Variants in STYXL1 observed in about 807,000 individuals in gnomAD.
STYXL1 encodes the protein serine/threonine/tyrosine interacting like 1, also known as serine/threonine/tyrosine-interacting-like protein 1.
Under a neutral mutation model 36.4 loss-of-function variants are expected in STYXL1, and 32 were observed. That is an observed-to-expected ratio of 0.88 (90% CI 0.66 to 1.18). The LOEUF (loss-of-function observed/expected upper bound fraction) is 1.18. Ranked by LOEUF, STYXL1 falls within the 50% of genes most tolerant of loss-of-function variation. The pLI is 0.00. For missense variants in STYXL1, 354 were observed against 394.1 expected (o/e 0.90, Z 0.86); for synonymous variants, 133 against 144.1 (o/e 0.92, Z 0.55).
intron 7 of STYXL1, among the ~76,000 whole-genome samples, chr7:76,002,870 G>C (rs1389021349): frequency 7.2e-5 from 11 of 152,186 alleles, no homozygotes; most frequent in African/African-American, 2.7e-4. Context: ...ATTGCAGTGA[G>C]CCAAGATTGT....
intron 5 of STYXL1, among the ~76,000 whole-genome samples, chr7:76,008,230 A>G (rs1291759564): frequency 8.7e-6 from 1 of 115,336 alleles, no homozygotes; most frequent in East Asian, 2.7e-4. Flanking sequence ...AAAAAAAAAA[A>G]TCTCAAAGAA....
rs1331551410 is a variant in STYXL1, at chr7:76,036,224, C to T, written c.-4-5697G>A. On this transcript the variant is annotated intron_variant, in intron 1 of 8. Coordinates refer to ENST00000359697, the MANE Select transcript of STYXL1 (RefSeq NM_001317785.2). ...CGAGTGATTCTCTCACCTCAGCTTCCTGAGTAGCTAGGATTACAGGTGCCC... is the reference window on the plus strand; with the variant it reads ...CGAGTGATTCTCTCACCTCAGCTTCTTGAGTAGCTAGGATTACAGGTGCCC... Among the ~76,000 whole-genome samples the T allele has an allele frequency of 1.3e-5, 2 of 150,084 alleles. 1 individual carries two copies. The highest frequency in any genetic ancestry group is 3.0e-5 in the Non-Finnish European group (2 of 67,132).
chr7:76,026,428 C>A (rs1050411092), intron 3 of STYXL1, among the ~76,000 whole-genome samples: 30 of 151,762 alleles, frequency 2.0e-4, no homozygotes, highest in South Asian at 8.3e-4. Context: ...TACAGAGGTG[C>A]CCCACCACAC....
chr7:76,034,470 CCAGA>C lies in STYXL1; in HGVS notation c.-4-3947_-4-3944del, dbSNP rs781939481. On this transcript the variant is annotated intron_variant, in intron 1 of 8. Coordinates refer to ENST00000359697, the MANE Select transcript of STYXL1 (RefSeq NM_001317785.2). ...AACACGGCTGAGCATTGTTTCTTCC[CCAGA>C]CACTCTCCCCTCCCAAGAAAAAGCA... Among the ~76,000 whole-genome samples, 130 of 152,318 alleles carry C rather than the reference CCAGA, an allele frequency of 8.5e-4. 1 individual carries two copies. The highest frequency in any genetic ancestry group is 1.4e-3 in the Non-Finnish European group (98 of 68,030).
At chr7:76,015,462 C>T (rs1272424518) in intron 4 of STYXL1, among the ~76,000 whole-genome samples, 4 of 152,126 alleles carry the variant, frequency 2.6e-5, no homozygotes, top group Non-Finnish European at 5.9e-5. Flanking sequence ...TTGGCCTTGG[C>T]AAATAATTTT....
chr7:76,036,805 G>A (rs71560498), intron 1 of STYXL1, among the ~76,000 whole-genome samples: 3 of 86,784 alleles, frequency 3.5e-5, no homozygotes, highest in African/African-American at 1.1e-4. Flanking sequence ...TTTTTTTTGA[G>A]ACGGAGTCCC....
At chr7:76,028,182 A>G (rs1191806832) in intron 3 of STYXL1, among the ~76,000 whole-genome samples, 1 of 152,026 alleles carries the variant, frequency 6.6e-6, no homozygotes, top group Non-Finnish European at 1.5e-5. Flanking sequence ...CTCAGGCGTA[A>G]GCCACCACAC....
intron 1 of STYXL1, among the ~76,000 whole-genome samples, chr7:76,031,623 G>A (rs1282448478): frequency 6.7e-6 from 1 of 149,580 alleles, no homozygotes; most frequent in African/African-American, 2.5e-5. Flanking sequence ...GCTGAGGCAG[G>A]AGAATCACTT....
chr7:76,001,075 GGCC>G, intron 7 of STYXL1, 73 bp from the exon 8 acceptor site: 1 of 1,109,180 alleles, frequency 9.0e-7, no homozygotes, highest in Non-Finnish European at 1.4e-6. Flanking sequence ...GTCAGACACT[GGCC>G]TCCATGGGCC....
chr7:76,014,670 TGA>T (rs1231914039), intron 4 of STYXL1, among the ~76,000 whole-genome samples: 1 of 151,980 alleles, frequency 6.6e-6, no homozygotes, highest in Non-Finnish European at 1.5e-5. Flanking sequence ...CTGCAAACTC[TGA>T]GATATATGTA....
chr7:76,043,359 CA>C (rs200003883), intron 1 of STYXL1, among the ~76,000 whole-genome samples: 1,624 of 151,896 alleles, frequency 0.011, 28 homozygotes, highest in African/African-American at 0.035. Context: ...AGGCTGGTCT[CA>C]AAACTCCTGA....
At chr7:76,046,331 TGTGTGTGTGCGC>T (rs1797038755) in intron 1 of STYXL1, among the ~76,000 whole-genome samples, 5 of 11,674 alleles carry the variant, frequency 4.3e-4, no homozygotes, top group Admixed American at 1.0e-3. Flanking sequence ...TGTGTGTGTG[TGTGTGTGTGCGC>T]GCGCGCGCGC....
intron 3 of STYXL1, among the ~76,000 whole-genome samples, chr7:76,028,364 A>G (rs1794952658): frequency 6.6e-6 from 1 of 152,090 alleles, no homozygotes; most frequent in African/African-American, 2.4e-5. Context: ...GCAGTGAGCT[A>G]TGATTGTGCC....
intron 5 of STYXL1, among the ~76,000 whole-genome samples, chr7:76,011,930 A>G (rs112510546): frequency 6.6e-6 from 1 of 152,236 alleles, no homozygotes; most frequent in Non-Finnish European, 1.5e-5. Context: ...TTTTGTTTTG[A>G]CAAAACTGAC....
At position 76,003,806 on chromosome 7, in the gene STYXL1, G is replaced by A; in HGVS notation, c.649C>T (p.Pro217Ser). The A allele has an allele frequency of 6.2e-7, 1 of 1,614,228 alleles. No homozygotes were observed. The highest frequency in any genetic ancestry group is 8.5e-7 in the Non-Finnish European group (1 of 1,180,040). ...KLLHIRIEDSPEAQILPFLRH... is the reference protein window; with the variant it reads ...KLLHIRIEDSSEAQILPFLRH... ...AAGAAGGGAAGAATCTGGGCTTCCG[G>A]GGAATCTTCTATCCGGATGTGCAGA... Residue 217 changes from proline to serine, a missense_variant, in exon 7 of 9, where the codon CCG (proline) becomes TCG (serine). Transcript: ENST00000359697.
rs112691161 is a variant in STYXL1 at position 76,038,258 on chromosome 7, G to A, written c.-4-7731C>T. ...TTTGTAGAGACAGGGTCTCGCTTCCGGAAGAGAACAATGGGGAAGAACAGA... is the reference window on the plus strand; with the variant it reads ...TTTGTAGAGACAGGGTCTCGCTTCCAGAAGAGAACAATGGGGAAGAACAGA... On this transcript the variant is annotated intron_variant, in intron 1 of 8. Transcript: ENST00000359697. 5.3e-3 allele frequency among the ~76,000 whole-genome samples: 783 copies of A among 148,830 alleles called. 66 individuals carry two copies. The highest frequency in any genetic ancestry group is 0.027 in the South Asian group (122 of 4,470).
rs1242356339 is a variant in STYXL1, at chr7:76,046,325, TGTGTGTGTGTGTGTGCGC to T, written c.-5+1319_-5+1336del. Among the ~76,000 whole-genome samples, 54 of 18,774 alleles carry T rather than the reference TGTGTGTGTGTGTGTGCGC, an allele frequency of 2.9e-3. 1 individual carries two copies. The highest frequency in any genetic ancestry group is 6.9e-3 in the African/African-American group (38 of 5,468). The allele number at this position is 18,774 out of a possible 152,430, so 12.3% of individuals were successfully genotyped here. ...GTGTGTGTGTGTGTGTGTGTGTGTG[TGTGTGTGTGTGTGTGCGC>T]GCGCGCGCGCGCGCGCTTTTGAGCC... On this transcript the variant is annotated intron_variant, in intron 1 of 8. Transcript: ENST00000359697.
At chr7:76,033,777 C>T (rs1047702200) in intron 1 of STYXL1, among the ~76,000 whole-genome samples, 2 of 152,112 alleles carry the variant, frequency 1.3e-5, no homozygotes, top group Non-Finnish European at 2.9e-5. Flanking sequence ...AAGAGAAACA[C>T]CATCTCTCAA....
Position 75,997,927 on chromosome 7 carries a change from T to C in STYXL1, c.811-1328A>G, listed in dbSNP as rs147101495. On this transcript the variant is annotated intron_variant, in intron 8 of 8. Coordinates refer to ENST00000359697, the MANE Select transcript of STYXL1 (RefSeq NM_001317785.2). ...TTGTACACTGAAAACTCCAAAACAG[T>C]GCTGAAAGAAATTAAAGGTACAAAC... is the stretch of plus-strand genomic sequence containing the variant. Among the ~76,000 whole-genome samples, 682 of 152,238 alleles carry C rather than the reference T, an allele frequency of 4.5e-3. 7 individuals are homozygous for C. The highest frequency in any genetic ancestry group is 0.015 in the African/African-American group (636 of 41,554).
Sources: allele counts gnomAD v4.1 joint callset (sites outside exome capture counted in the v4.1 genomes callset), GRCh38; gene constraint gnomAD v4.1.1; transcripts MANE v1.5; gene names NCBI Gene and HGNC (gene_info 2026-07-23, HGNC 2026-07-21).